Variants in VPS13B observed in about 807,000 individuals in gnomAD.
VPS13B encodes the protein vacuolar protein sorting 13 homolog B.
VPS13B carries 285 observed loss-of-function variants against 426.4 expected under a neutral mutation model. That is an observed-to-expected ratio of 0.67 (90% confidence interval 0.61 to 0.74). VPS13B has a LOEUF of 0.74. Ranked by LOEUF, VPS13B falls within the 30% of genes least tolerant of loss-of-function variation. The probability of loss-of-function intolerance (pLI) is 0.00; values close to 1 mark genes in which losing one functional copy is unlikely to be tolerated. For synonymous variants in VPS13B, 1,676 were observed against 1,676.4 expected (o/e 1.00, Z 0.01); for missense variants, 4,537 against 4,782.6 (o/e 0.95, Z 1.51).
At chr8:99,157,184 G>T (rs1811407755) in intron 15 of VPS13B, among the ~76,000 whole-genome samples, 1 of 151,560 alleles carries the variant, frequency 6.6e-6, no homozygotes, top group South Asian at 2.1e-4. Context: ...TGATGCAAGG[G>T]AAATTTATTT....
chr8:99,392,302 A>G (rs770318468), intron 21 of VPS13B, among the ~76,000 whole-genome samples: 11 of 152,052 alleles, frequency 7.2e-5, no homozygotes, highest in Non-Finnish European at 1.3e-4. Flanking sequence ...AAAATAATTT[A>G]TTTCCTTTTG....
intron 59 of VPS13B, among the ~76,000 whole-genome samples, chr8:99,868,869 T>C: frequency 6.6e-6 from 1 of 152,170 alleles, no homozygotes; most frequent in South Asian, 2.1e-4. Context: ...GATGTGCACA[T>C]GGGTCTTTGG....
chr8:99,451,058 A>G (rs1445822078), intron 23 of VPS13B, among the ~76,000 whole-genome samples: 2 of 152,360 alleles, frequency 1.3e-5, no homozygotes, highest in East Asian at 3.9e-4. Flanking sequence ...CAACCAGAAT[A>G]ATAAATGAGA....
At chr8:99,096,817 TC>T (rs1192292777) in intron 4 of VPS13B, among the ~76,000 whole-genome samples, 4 of 151,988 alleles carry the variant, frequency 2.6e-5, no homozygotes, top group African/African-American at 9.7e-5. Flanking sequence ...ATTTTTAGTA[TC>T]ATAAAACTTT....
rs549721118 is a variant in VPS13B at position 99,327,280 on chromosome 8, A to G, written c.2824+52026A>G. Among the ~76,000 whole-genome samples, 19 of 152,308 alleles carry G rather than the reference A, an allele frequency of 1.2e-4. 1 individual carries two copies. Among genetic ancestry groups the G allele is most frequent in the Admixed American group, 9.8e-4 (15 of 15,280 alleles). ...TCAATTTAAATTTTGAAGTTTACCA[A>G]TGACTAACCAAATATTATTAAAGAA... On this transcript the variant is annotated intron_variant, in intron 19 of 61. Coordinates refer to ENST00000357162, the MANE Select transcript of VPS13B (RefSeq NM_152564.5).
At chr8:99,749,109 G>A (rs886985359) in intron 39 of VPS13B, among the ~76,000 whole-genome samples, 60 of 151,954 alleles carry the variant, frequency 3.9e-4, no homozygotes, top group African/African-American at 1.4e-3. Context: ...AATTTTTTGG[G>A]TACATAGTAG....
chr8:99,312,285 A>G (rs1358902580), intron 19 of VPS13B, among the ~76,000 whole-genome samples: 2 of 152,132 alleles, frequency 1.3e-5, no homozygotes, highest in Non-Finnish European at 2.9e-5. Context: ...ACAATTTGGC[A>G]TGTTTTTCCA....
rs369706839 is a variant in VPS13B at position 99,501,947 on chromosome 8, T to TTCTGTCTGTCTG, written c.4042+105_4042+116dup. On this transcript the variant is annotated intron_variant, in intron 26 of 61. Transcript: ENST00000357162. ...CCCTCCCTTCCTTCCTTCCTTTCTTTTCTGTCTGTCTGTCTGTCTGTCTGT... is the reference window on the plus strand; with the variant it reads ...CCCTCCCTTCCTTCCTTCCTTTCTTTTCTGTCTGTCTGTCTGTCTGTCTGTCTGTCTGTCTGT... 26 of 1,289,222 alleles carry TTCTGTCTGTCTG rather than the reference T, an allele frequency of 2.0e-5. No homozygotes were observed. In the Admixed American group the frequency reaches 3.8e-4, roughly 19 times the overall value. The allele number at this position is 1,289,222 out of a possible 1,614,324, so 79.9% of individuals were successfully genotyped here. A position where few individuals can be genotyped will look rare whatever the true frequency, so the allele number is the denominator to read the frequency against.
At chr8:99,700,958 T>C (rs1446891341) in intron 36 of VPS13B, among the ~76,000 whole-genome samples, 35 of 152,178 alleles carry the variant, frequency 2.3e-4, no homozygotes, top group Admixed American at 2.3e-3. Flanking sequence ...CAAATCCTTA[T>C]ATGCAACTTA....
intron 19 of VPS13B, among the ~76,000 whole-genome samples, chr8:99,292,289 A>G (rs906027566): frequency 6.6e-6 from 1 of 152,196 alleles, no homozygotes; most frequent in Non-Finnish European, 1.5e-5. Context: ...ATCTTTATCA[A>G]GTTAATATAA....
intron 51 of VPS13B, among the ~76,000 whole-genome samples, chr8:99,828,392 CCGTTTTTTTTTTTTTTTTTTTTT>C (rs1212880770): frequency 2.9e-4 from 14 of 47,652 alleles, no homozygotes; most frequent in East Asian, 2.9e-3. Flanking sequence ...ATTACAACCA[CCGTTTTTTTTTTTTTTTTTTTTT>C]TTTTTTTTTT....
At chr8:99,534,774 T>A (rs914376727) in intron 30 of VPS13B, among the ~76,000 whole-genome samples, 1 of 152,170 alleles carries the variant, frequency 6.6e-6, no homozygotes, top group African/African-American at 2.4e-5. Context: ...AAGTGTCTGA[T>A]GTAAAGGAAG....
chr8:99,543,549 TTG>T lies in VPS13B; in HGVS notation c.4746-12900_4746-12899del. Among the ~76,000 whole-genome samples, 5 of 152,076 alleles carry T rather than the reference TTG, an allele frequency of 3.3e-5. No individual in the cohort carries two copies. In the South Asian group the frequency reaches 6.2e-4, roughly 19 times the overall value. On this transcript the variant is annotated intron_variant, in intron 30 of 61. Coordinates refer to ENST00000357162, the MANE Select transcript of VPS13B (RefSeq NM_152564.5). Reference sequence around the variant, plus strand: ...CAACCTACAAAATGGGAGAAAATTTTTGCAACCTACTCATCTGACAAAGGGCT... The same window carrying T: ...CAACCTACAAAATGGGAGAAAATTTTCAACCTACTCATCTGACAAAGGGCT...
At chr8:99,710,158 A>C (rs1449899438) in intron 36 of VPS13B, among the ~76,000 whole-genome samples, 1 of 152,194 alleles carries the variant, frequency 6.6e-6, no homozygotes, top group African/African-American at 2.4e-5. Context: ...TAATTCATCA[A>C]ATGCCTGTGT....
intron 36 of VPS13B, among the ~76,000 whole-genome samples, chr8:99,709,429 G>A (rs994696097): frequency 6.6e-6 from 1 of 152,118 alleles, no homozygotes; most frequent in African/African-American, 2.4e-5. Flanking sequence ...TTCTGAAGGA[G>A]TATTTTAGAA....
intron 58 of VPS13B, among the ~76,000 whole-genome samples, chr8:99,867,318 A>G (rs1349134078): frequency 6.6e-6 from 1 of 152,178 alleles, no homozygotes; most frequent in Non-Finnish European, 1.5e-5. Context: ...AGGAGTAGCA[A>G]AGGGGCCGTA....
chr8:99,875,319 A>AAGGC, intron 61 of VPS13B, 99 bp from the exon 62 acceptor site: 1 of 1,525,596 alleles, frequency 6.6e-7, no homozygotes, highest in Admixed American at 1.7e-5. Context: ...GATGACCTAA[A>AAGGC]AGGCATAATG....
chr8:99,279,282 C>G (rs1819049097), intron 19 of VPS13B, among the ~76,000 whole-genome samples: 1 of 152,020 alleles, frequency 6.6e-6, no homozygotes, highest in Non-Finnish European at 1.5e-5. Flanking sequence ...ATTTTCTTCC[C>G]TTATTTTTTA....
chr8:99,188,863 T>C (rs537641458), intron 16 of VPS13B, among the ~76,000 whole-genome samples: 1 of 152,334 alleles, frequency 6.6e-6, no homozygotes, highest in East Asian at 1.9e-4. Flanking sequence ...CATTTGTATA[T>C]CTTCTTTGTC....
Sources: allele counts gnomAD v4.1 joint callset (sites outside exome capture counted in the v4.1 genomes callset), GRCh38; gene constraint gnomAD v4.1.1; transcripts MANE v1.5; gene names NCBI Gene and HGNC (gene_info 2026-07-23, HGNC 2026-07-21).